The following CLSTN2 variants were observed in gnomAD, a reference collection of about 807,000 sequenced individuals.
CLSTN2 encodes calsyntenin-2.
A neutral mutation model predicts 101.2 loss-of-function variants in CLSTN2; 48 were observed. The ratio of observed to expected loss-of-function variants is 0.47; its 90% confidence interval spans 0.38 to 0.60. CLSTN2 has a LOEUF of 0.60. CLSTN2 is among the 20% of genes least tolerant of loss of function. The probability of loss-of-function intolerance (pLI) is 0.00; values close to 1 mark genes in which losing one functional copy is unlikely to be tolerated. For synonymous variants in CLSTN2, 481 were observed against 463.6 expected, an observed-to-expected ratio of 1.04 and a Z score of -0.48; for missense variants, 1,160 against 1,238.2, an observed-to-expected ratio of 0.94 and a Z score of 0.95.
intron 1 of CLSTN2, among the ~76,000 whole-genome samples, chr3:139,956,358 G>A (rs1001724218): frequency 2.0e-5 from 3 of 152,176 alleles, no homozygotes; most frequent in African/African-American, 7.2e-5. Flanking sequence ...GCAGATGTGA[G>A]TACCTCAGAA....
chr3:139,953,009 G>A (rs372170844), intron 1 of CLSTN2, among the ~76,000 whole-genome samples: 17 of 152,280 alleles, frequency 1.1e-4, no homozygotes, highest in African/African-American at 2.2e-4. Flanking sequence ...AGCCCTACCC[G>A]CTACCCCACT....
intron 1 of CLSTN2, among the ~76,000 whole-genome samples, chr3:140,130,406 T>C (rs532974448): frequency 6.6e-6 from 1 of 152,344 alleles, no homozygotes; most frequent in Admixed American, 6.5e-5. Flanking sequence ...GAGCAGGTAC[T>C]AAATGCACAT....
chr3:139,955,607 A>C (rs1935379403), intron 1 of CLSTN2, among the ~76,000 whole-genome samples: 1 of 152,240 alleles, frequency 6.6e-6, no homozygotes, highest in Non-Finnish European at 1.5e-5. Context: ...ATGGGCTGCT[A>C]TTGGCACTCC....
chr3:140,404,185 CTG>C (rs2088277663), intron 3 of CLSTN2, among the ~76,000 whole-genome samples: 1 of 152,242 alleles, frequency 6.6e-6, no homozygotes, highest in Non-Finnish European at 1.5e-5. Context: ...GCAGTTTTCA[CTG>C]TGGGTTGTCA....
intron 1 of CLSTN2, among the ~76,000 whole-genome samples, chr3:140,121,265 G>A (rs2882431): frequency 0.41 from 62,522 of 151,932 alleles, 14,313 homozygotes; most frequent in Admixed American, 0.54. Context: ...AGTGTACCAC[G>A]GGAAGAGAGC....
intron 1 of CLSTN2, among the ~76,000 whole-genome samples, chr3:140,089,623 TA>T (rs2008741844): frequency 6.8e-6 from 1 of 147,320 alleles, no homozygotes; most frequent in Non-Finnish European, 1.5e-5. Context: ...TTTATTTATT[TA>T]TTTTTGAGAC....
intron 1 of CLSTN2, among the ~76,000 whole-genome samples, chr3:140,105,920 T>G (rs2107792321): frequency 6.6e-6 from 1 of 152,244 alleles, no homozygotes; most frequent in East Asian, 1.9e-4. Context: ...GGGGCCTGAG[T>G]AAAGCCTCCT....
At chr3:140,376,211 A>G (rs1440385759) in intron 2 of CLSTN2, among the ~76,000 whole-genome samples, 2 of 152,182 alleles carry the variant, frequency 1.3e-5, no homozygotes, top group African/African-American at 4.8e-5. Flanking sequence ...CTGTTAGCCA[A>G]TTCCAAATGC....
At chr3:140,274,445 C>T (rs187365815) in intron 2 of CLSTN2, among the ~76,000 whole-genome samples, 140 of 152,234 alleles carry the variant, frequency 9.2e-4, no homozygotes, top group African/African-American at 3.3e-3. Context: ...AAATTGGCCC[C>T]GTTTTATTTT....
Position 140,421,220 on chromosome 3 carries a change from C to T in CLSTN2, c.733C>T (p.Gln245Ter). 6.2e-7 allele frequency: 1 copy of T among 1,614,192 alleles called. No homozygotes were observed. Among genetic ancestry groups the T allele is most frequent in the Non-Finnish European group, 8.5e-7 (1 of 1,180,008 alleles). Reference sequence around the variant, plus strand: ...CGACTGTGGACAGAAGCCCGCTGCTCAGGACACCCTGGTGCAGGTGGATGT... The same window carrying T: ...CGACTGTGGACAGAAGCCCGCTGCTTAGGACACCCTGGTGCAGGTGGATGT... ...AYDCGQKPAA[Q>*]DTLVQVDVKP... Residue 245 changes from glutamine (Q) to a stop codon, truncating the protein, a stop_gained, in exon 5 of 17, where the codon CAG (glutamine) becomes TAG (stop). Coordinates refer to ENST00000458420, the MANE Select transcript of CLSTN2 (RefSeq NM_022131.3). LOFTEE classifies it high-confidence loss of function.
At chr3:140,406,244 T>C (rs2088300609) in intron 4 of CLSTN2, among the ~76,000 whole-genome samples, 1 of 152,230 alleles carries the variant, frequency 6.6e-6, no homozygotes, top group Non-Finnish European at 1.5e-5. Context: ...CATTGTCTTC[T>C]GTACCCTGAG....
At chr3:140,151,319 AG>A (rs965969772) in intron 1 of CLSTN2, among the ~76,000 whole-genome samples, 4 of 152,040 alleles carry the variant, frequency 2.6e-5, no homozygotes, top group African/African-American at 9.7e-5. Context: ...TAATCCCTTA[AG>A]ACCTCTGGGA....
intron 2 of CLSTN2, among the ~76,000 whole-genome samples, chr3:140,290,368 G>A (rs2086936112): frequency 6.6e-6 from 1 of 152,134 alleles, no homozygotes; most frequent in Admixed American, 6.5e-5. Context: ...ATCCTCTGGG[G>A]CATTAACATA....
intron 2 of CLSTN2, among the ~76,000 whole-genome samples, chr3:140,388,453 A>T (rs1165219475): frequency 1.3e-5 from 2 of 152,228 alleles, no homozygotes; most frequent in Non-Finnish European, 2.9e-5. Flanking sequence ...TTATTTTTGC[A>T]TCTGAGCCTG....
intron 10 of CLSTN2, among the ~76,000 whole-genome samples, chr3:140,547,209 C>T (rs995634412): frequency 1.6e-4 from 24 of 152,216 alleles, no homozygotes; most frequent in Admixed American, 7.2e-4. Context: ...TGGCCTGTGG[C>T]TCACGTCTGT....
At chr3:139,983,373 G>A (rs1375400730) in intron 1 of CLSTN2, among the ~76,000 whole-genome samples, 1 of 152,024 alleles carries the variant, frequency 6.6e-6, no homozygotes, top group African/African-American at 2.4e-5. Context: ...TGAAGTTGTG[G>A]GTCTCATCTG....
intron 4 of CLSTN2, among the ~76,000 whole-genome samples, 166 bp downstream of exon 4, chr3:140,404,932 C>T (rs2088285872): frequency 6.6e-6 from 1 of 152,136 alleles, no homozygotes; most frequent in Non-Finnish European, 1.5e-5. Flanking sequence ...GAGGGAATGG[C>T]CTTATCTGAT....
intron 2 of CLSTN2, among the ~76,000 whole-genome samples, chr3:140,295,268 C>T (rs1176716198): frequency 1.3e-5 from 2 of 152,114 alleles, no homozygotes; most frequent in Non-Finnish European, 1.5e-5. Flanking sequence ...TTTCTTTGCG[C>T]ATTTCTTTGT....
chr3:140,054,997 C>T (rs967232024), intron 1 of CLSTN2, among the ~76,000 whole-genome samples: 4 of 152,062 alleles, frequency 2.6e-5, no homozygotes, highest in African/African-American at 7.2e-5. Flanking sequence ...TGCCTGCAGG[C>T]TTATATATTG....
Sources: allele counts gnomAD v4.1 joint callset (sites outside exome capture counted in the v4.1 genomes callset), GRCh38; gene constraint gnomAD v4.1.1; transcripts MANE v1.5; gene names NCBI Gene and HGNC (gene_info 2026-07-23, HGNC 2026-07-21).